ANO1: variants seen among roughly 807,000 people sequenced by gnomAD.
ANO1 encodes the protein anoctamin 1.
Under a neutral mutation model 124.0 loss-of-function variants are expected in ANO1, and 59 were observed. The observed-to-expected ratio is 0.48, with a 90% confidence interval of 0.39 to 0.59. The LOEUF is 0.59. Among genes scored for constraint, ANO1 ranks in the 20% least tolerant of loss-of-function variants. ANO1 has a pLI of 0.00. For missense variants in ANO1, 1,059 were observed against 1,328.0 expected, an observed-to-expected ratio of 0.80 and a Z score of 3.15; for synonymous variants, 529 against 532.0, an observed-to-expected ratio of 0.99 and a Z score of 0.08.
At chr11:70,176,977 A>C (rs2048726464) in intron 22 of ANO1, among the ~76,000 whole-genome samples, 1 of 152,066 alleles carries the variant, frequency 6.6e-6, no homozygotes, top group African/African-American at 2.4e-5. Flanking sequence ...CCACACGGAG[A>C]GCCATCCGCC....
chr11:70,180,465 G>A (rs1003321807), intron 23 of ANO1, among the ~76,000 whole-genome samples: 2 of 152,122 alleles, frequency 1.3e-5, no homozygotes, highest in South Asian at 4.1e-4. Flanking sequence ...TAGAGACGGG[G>A]TTTTGACATG....
In ANO1 at chr11:70,182,531, C is replaced by T. The variant is rs2048966978; in HGVS notation, c.2433C>T (p.Phe811=). The T allele has an allele frequency of 1.9e-6, 3 of 1,601,738 alleles. No individual in the cohort carries two copies. The highest frequency in any genetic ancestry group is 2.6e-6 in the Non-Finnish European group (3 of 1,173,858). The change falls in exon 24 of 26, where the codon TTC becomes TTT. Residue 811 remains phenylalanine, a synonymous_variant. Coordinates refer to ENST00000355303, the MANE Select transcript of ANO1 (RefSeq NM_018043.7). ...TCGTGATCTCCTTCACGTCTGACTT[C>T]ATCCCGCGCCTGGTGTACCTCTACA... The part of the protein sequence containing the change: ...NAFVISFTSD[F]IPRLVYLYMY...
chr11:70,086,065 G>A (rs142851392), intron 1 of ANO1, among the ~76,000 whole-genome samples: 1 of 152,326 alleles, frequency 6.6e-6, no homozygotes, highest in African/African-American at 2.4e-5. Flanking sequence ...CATCAGGGAG[G>A]CCCTCTTCTC....
chr11:70,068,182 GACA>G (rs1191055451), intron 1 of ANO1, among the ~76,000 whole-genome samples: 3 of 152,168 alleles, frequency 2.0e-5, no homozygotes, highest in Admixed American at 6.5e-5. Flanking sequence ...AAAATGTTAA[GACA>G]ACAACTCCAT....
chr11:70,149,764 G>A lies in ANO1; in HGVS notation c.1313G>A (p.Trp438Ter). 1 of 1,613,796 alleles carries A rather than the reference G, an allele frequency of 6.2e-7. No homozygotes were observed. Among genetic ancestry groups the A allele is most frequent in the Non-Finnish European group, 8.5e-7 (1 of 1,179,854 alleles). The change falls in exon 12 of 26, where the codon TGG becomes TAG. Residue 438 changes from tryptophan to a stop codon, truncating the protein, a stop_gained. Coordinates refer to ENST00000355303, the MANE Select transcript of ANO1 (RefSeq NM_018043.7). LOFTEE classifies it high-confidence loss of function. ...KRKQMRLNYRWDLTGFEEEEE... is the reference protein window; with the variant it reads ...KRKQMRLNYR Reference sequence around the variant, plus strand: ...AAACAGATGCGACTCAACTACCGCTGGGACCTCACGGGCTTTGAAGAGGAA... The same window carrying A: ...AAACAGATGCGACTCAACTACCGCTAGGACCTCACGGGCTTTGAAGAGGAA...
At position 70,156,469 on chromosome 11, in the gene ANO1, C is replaced by T. The variant is rs143880010; in HGVS notation, c.1504-478C>T. 1.6e-4 allele frequency among the ~76,000 whole-genome samples: 24 copies of T among 152,270 alleles called. No individual in the cohort carries two copies. The East Asian group carries it at 3.7e-3, about 23-fold the overall frequency. The stretch of plus-strand genomic sequence containing the variant: ...TGAGAGCCTTCAGGACATGTGTCAC[C>T]GCAGACGACGTTTTAACTTGTAGTG... On this transcript the variant is annotated intron_variant, in intron 15 of 25. Coordinates refer to ENST00000355303, the MANE Select transcript of ANO1 (RefSeq NM_018043.7).
chr11:70,034,141 C>T (rs1857054670), intron 1 of ANO1, among the ~76,000 whole-genome samples: 1 of 152,184 alleles, frequency 6.6e-6, no homozygotes, highest in Non-Finnish European at 1.5e-5. Flanking sequence ...AGCAGGTCCT[C>T]TGCATATGAA....
chr11:70,025,540 T>C (rs782200000), intron 1 of ANO1, among the ~76,000 whole-genome samples: 27 of 151,692 alleles, frequency 1.8e-4, no homozygotes, highest in Non-Finnish European at 2.2e-4. Flanking sequence ...ACAGTAATGA[T>C]AGTGGTGATG....
intron 14 of ANO1, 26 bp from the exon 15 acceptor site, chr11:70,155,885 G>A (rs1565257829): frequency 6.5e-7 from 1 of 1,534,972 alleles, no homozygotes; most frequent in Non-Finnish European, 8.8e-7. Context: ...ACCGCACGGT[G>A]CTCTCTTTCC....
intron 19 of ANO1, 98 bp downstream of exon 19, chr11:70,163,438 C>G: frequency 1.4e-6 from 2 of 1,387,608 alleles, no homozygotes; most frequent in Non-Finnish European, 2.0e-6. Flanking sequence ...CACATTTGTT[C>G]AGCAAAGAGC....
At position 70,104,091 on chromosome 11, in the gene ANO1, GC is replaced by G; in HGVS notation, c.634del (p.His212ThrfsTer6). ...ATCCCATCCAGCCCAAAGTGGCTGAGCACAGGCCCCAGACCATGAAGAGACT... is the reference window on the plus strand; with the variant it reads ...ATCCCATCCAGCCCAAAGTGGCTGAGACAGGCCCCAGACCATGAAGAGACT... ...TDPIQPKVAE[H>X]RPQTMKRLSY... On this transcript the variant is annotated frameshift_variant, in exon 4 of 26. Coordinates refer to ENST00000355303, the MANE Select transcript of ANO1 (RefSeq NM_018043.7). LOFTEE classifies it high-confidence loss of function. 1.2e-6 allele frequency: 2 copies of G among 1,613,038 alleles called. No homozygotes were observed. Among genetic ancestry groups the G allele is most frequent in the Non-Finnish European group, 1.7e-6 (2 of 1,179,618 alleles).
chr11:70,154,444 CAGGA>C (rs2047724276), intron 14 of ANO1, among the ~76,000 whole-genome samples: 2 of 149,182 alleles, frequency 1.3e-5, no homozygotes, highest in Non-Finnish European at 3.0e-5. Context: ...CTCCTATAGC[CAGGA>C]AGGAAGTATG....
chr11:70,097,213 C>T (rs1263823168), intron 2 of ANO1, among the ~76,000 whole-genome samples: 1 of 152,206 alleles, frequency 6.6e-6, no homozygotes, highest in Non-Finnish European at 1.5e-5. Context: ...TGTCCACAGC[C>T]CAGTCCCTGC....
chr11:70,048,493 G>A (rs1857294771), intron 1 of ANO1, among the ~76,000 whole-genome samples: 2 of 152,018 alleles, frequency 1.3e-5, no homozygotes, highest in South Asian at 2.1e-4. Context: ...GTGGTTTATC[G>A]ATTAGACATA....
In ANO1 at chr11:70,182,496, G is replaced by T; in HGVS notation, c.2404-6G>T. On this transcript the variant is annotated splice_polypyrimidine_tract_variant and splice_region_variant and intron_variant, in intron 23 of 25. Coordinates refer to ENST00000355303, the MANE Select transcript of ANO1 (RefSeq NM_018043.7). ...GGTCCCCCTCACTGCCATGTCCCCT[G>T]CACAGGCCTTCGTGATCTCCTTCAC... 6.4e-7 allele frequency: 1 copy of T among 1,566,958 alleles called. No individual in the cohort carries two copies.
chr11:70,120,675 C>T (rs2046224104), intron 8 of ANO1, among the ~76,000 whole-genome samples: 1 of 152,174 alleles, frequency 6.6e-6, no homozygotes, highest in African/African-American at 2.4e-5. Flanking sequence ...TCTGGTGTCT[C>T]CATTCTAGAG....
rs375989114 is a variant in ANO1 at position 70,169,875 on chromosome 11, C to T, written c.2198-1012C>T. 4.6e-4 allele frequency: 107 copies of T among 230,526 alleles called. 2 individuals are homozygous for T. The East Asian group carries it at 8.8e-3, about 19-fold the overall frequency. 14.3% of individuals were successfully genotyped at this position (230,526 alleles called of 1,614,324 possible). A position where few individuals can be genotyped will look rare whatever the true frequency, so the allele number is the denominator to read the frequency against. The stretch of plus-strand genomic sequence containing the variant: ...ACATTCTGCTGGCTTCCTTGTTTAC[C>T]GCCTGGCACCAAACGCCCTTGGACT... On this transcript the variant is annotated intron_variant, in intron 21 of 25. Transcript: ENST00000355303.
intron 1 of ANO1, among the ~76,000 whole-genome samples, chr11:69,987,949 C>T (rs961442605): frequency 5.3e-5 from 8 of 152,200 alleles, no homozygotes; most frequent in South Asian, 2.1e-4. Context: ...CTGTCCACCC[C>T]GCTGCACCTC....
intron 2 of ANO1, among the ~76,000 whole-genome samples, chr11:70,102,053 G>T (rs76114679): frequency 0.024 from 3,628 of 152,334 alleles, 147 homozygotes; most frequent in African/African-American, 0.082. Flanking sequence ...GAAATACGTT[G>T]TGGCTGCAAA....
Sources: allele counts gnomAD v4.1 joint callset (sites outside exome capture counted in the v4.1 genomes callset), GRCh38; gene constraint gnomAD v4.1.1; transcripts MANE v1.5; gene names NCBI Gene and HGNC (gene_info 2026-07-23, HGNC 2026-07-21).